NFRKB: variants seen among roughly 807,000 people sequenced by gnomAD.
NFRKB encodes nuclear factor related to kappa-B-binding protein.
NFRKB carries 62 observed loss-of-function variants against 135.7 expected under a neutral mutation model. That is an observed-to-expected ratio of 0.46 (90% CI 0.37 to 0.56). The LOEUF (loss-of-function observed/expected upper bound fraction) is 0.56. NFRKB is among the 20% of genes least tolerant of loss of function. NFRKB has a pLI of 0.00. For synonymous variants in NFRKB, 678 were observed against 635.6 expected (o/e 1.07, Z -1.00); for missense variants, 1,545 against 1,662.0 (o/e 0.93, Z 1.22).
rs1216856750 is a variant in NFRKB, at chr11:129,864,963, T to C, written c.3774+3A>G. On this transcript the variant is annotated splice_donor_region_variant and intron_variant, in intron 26 of 26. Transcript: ENST00000682444. ...ATGGCCAAGAATTTGCCCTGGGCCT[T>C]ACCTGTGTGGCCTGACCTTGCTGCT... 1.2e-6 allele frequency: 2 copies of C among 1,613,288 alleles called. No individual in the cohort carries two copies. The highest frequency in any genetic ancestry group is 3.3e-5 in the Admixed American group (2 of 59,990).
intron 8 of NFRKB, among the ~76,000 whole-genome samples, chr11:129,883,453 G>T (rs1350056246): frequency 6.6e-6 from 1 of 152,112 alleles, no homozygotes; most frequent in Non-Finnish European, 1.5e-5. Context: ...AAGCTCTTCT[G>T]CATTCCTTGT....
chr11:129,892,314 T>G (rs1949595290), intron 3 of NFRKB, among the ~76,000 whole-genome samples: 9 of 151,728 alleles, frequency 5.9e-5, no homozygotes, highest in Admixed American at 5.3e-4. Flanking sequence ...GGTTTTCCAT[T>G]CCCAAGTTCC....
At chr11:129,873,626 T>C in intron 22 of NFRKB, 119 bp downstream of exon 22, 1 of 1,350,864 alleles carries the variant, frequency 7.4e-7, no homozygotes, top group East Asian at 2.3e-5. Context: ...ATGAATGTCA[T>C]CACCAGTAGC....
At position 129,893,415 on chromosome 11, in the gene NFRKB, C is replaced by T. The variant is rs762513780; in HGVS notation, c.-21-545G>A. On this transcript the variant is annotated intron_variant, in intron 2 of 26. Transcript: ENST00000682444. The stretch of plus-strand genomic sequence containing the variant: ...AAAAAAAAAAAAAAAAAAAAATCAG[C>T]CAGGCGTGGTGGCGCACGCCTGTAG... 2.2e-3 allele frequency: 622 copies of T among 279,180 alleles called. 7 individuals are homozygous for T. The highest frequency in any genetic ancestry group is 2.3e-3 in the Non-Finnish European group (342 of 148,694). The allele number at this position is 279,180 out of a possible 1,614,324, so 17.3% of individuals were successfully genotyped here. A position where few individuals can be genotyped will look rare whatever the true frequency, so the allele number is the denominator to read the frequency against.
rs1196266151 is a variant in NFRKB, at chr11:129,883,155, G to C, written c.868C>G (p.Arg290Gly). The C allele has an allele frequency of 6.2e-7, 1 of 1,614,028 alleles. No individual in the cohort carries two copies. The highest frequency in any genetic ancestry group is 2.2e-5 in the East Asian group (1 of 44,878). The change falls in exon 9 of 27, where the codon CGA becomes GGA. Residue 290 changes from arginine to glycine, a missense_variant. By Grantham distance (125) the Arg-to-Gly change is moderately radical. Around this residue, in one of 3 missense-constraint regions of NFRKB, gnomAD observed 678 missense variants for 646.7 expected, o/e 1.05. Transcript: ENST00000682444. ...GAGCCCTTCCTGCCAGCATTTACTCGAGTCATGATGTCATTGAGAGTCAGG... is the reference window on the plus strand; with the variant it reads ...GAGCCCTTCCTGCCAGCATTTACTCCAGTCATGATGTCATTGAGAGTCAGG... Reference protein sequence around the residue: ...GDLTLNDIMTRVNAGRKGSLA... With the variant: ...GDLTLNDIMTGVNAGRKGSLA...
intron 3 of NFRKB, among the ~76,000 whole-genome samples, chr11:129,889,620 C>T (rs1949443170): frequency 6.7e-6 from 1 of 149,578 alleles, no homozygotes; most frequent in Admixed American, 6.7e-5. Flanking sequence ...AGGTGGGGAA[C>T]AATTAAACAT....
chr11:129,878,282 C>A, intron 15 of NFRKB, 27 bp downstream of exon 15: 1 of 1,611,084 alleles, frequency 6.2e-7, no homozygotes. Context: ...CCCAGGACAC[C>A]ACCCACCACT....
intron 18 of NFRKB, 124 bp downstream of exon 18, chr11:129,875,233 A>G (rs1293086738): frequency 3.4e-6 from 3 of 881,556 alleles, no homozygotes; most frequent in African/African-American, 3.4e-5. Flanking sequence ...ATCACTATGC[A>G]TTTTTCAAGG....
intron 6 of NFRKB, 27 bp from the exon 7 acceptor site, chr11:129,884,873 T>C (rs1168666661): frequency 6.2e-7 from 1 of 1,613,900 alleles, no homozygotes; most frequent in African/African-American, 1.3e-5. Flanking sequence ...TTCTTGTAAA[T>C]CCAACGTGGC....
Position 129,869,841 on chromosome 11 carries a change from G to A in NFRKB, c.3184C>T (p.Pro1062Ser). ...EASSSAFRLM[P>S]ALGVSVADQK... is the part of the protein sequence containing the mutation. ...TCAGCCACACTCACGCCAAGAGCTG[G>A]CATCAAGCGAAAAGCCGAACTTGAG... The change falls in exon 24 of 27, where the codon CCA becomes TCA. Residue 1062 changes from proline (P) to serine (S), a missense_variant. Pro to Ser is a moderately conservative substitution (Grantham distance 74). This residue lies in a region of NFRKB where 753 missense variants were observed against 804.3 expected (regional missense o/e 0.94). Transcript: ENST00000682444. 6.2e-7 allele frequency: 1 copy of A among 1,614,248 alleles called. No homozygotes were observed. The highest frequency in any genetic ancestry group is 8.5e-7 in the Non-Finnish European group (1 of 1,180,046).
chr11:129,888,237 C>CAG lies in NFRKB; in HGVS notation c.337+356_337+357insCT. ...GTGTGTACCTAAACACACACACACACGAACCTTGATACGTGCAATAAAGCA... is the reference window on the plus strand; with the variant it reads ...GTGTGTACCTAAACACACACACACACAGGAACCTTGATACGTGCAATAAAGCA... On this transcript the variant is annotated intron_variant, in intron 4 of 26. Transcript: ENST00000682444. 2 of 572,690 alleles carry CAG rather than the reference C, an allele frequency of 3.5e-6. 1 individual carries two copies. The highest frequency in any genetic ancestry group is 6.2e-6 in the Non-Finnish European group (2 of 324,456). The allele number at this position is 572,690 out of a possible 1,614,324, so 35.5% of individuals were successfully genotyped here. A position where few individuals can be genotyped will look rare whatever the true frequency, so the allele number is the denominator to read the frequency against.
chr11:129,883,951 G>A (rs1400212556), intron 8 of NFRKB, 119 bp downstream of exon 8: 4 of 1,072,764 alleles, frequency 3.7e-6, no homozygotes, highest in Non-Finnish European at 5.8e-6. Flanking sequence ...CTGCTCCTGT[G>A]CCCACAGTGG....
intron 4 of NFRKB, among the ~76,000 whole-genome samples, chr11:129,887,252 C>T (rs1175217077): frequency 6.6e-6 from 1 of 152,214 alleles, no homozygotes; most frequent in Non-Finnish European, 1.5e-5. Flanking sequence ...CCCATGGAAG[C>T]AGAAACTACT....
At chr11:129,878,437 G>T (rs1948875265) in intron 14 of NFRKB, 27 bp downstream of exon 14, 3 of 1,612,276 alleles carry the variant, frequency 1.9e-6, no homozygotes, top group South Asian at 2.2e-5. Context: ...CAGTGAGAAG[G>T]ATCTGGTATT....
intron 2 of NFRKB, chr11:129,893,932 T>C (rs979533206): frequency 6.6e-6 from 1 of 152,258 alleles, no homozygotes; most frequent in Non-Finnish European, 1.5e-5. Context: ...ATGACTTTAT[T>C]AGTCCATATA....
chr11:129,886,162 CATAA>C (rs1220325655), intron 5 of NFRKB, among the ~76,000 whole-genome samples, 151 bp downstream of exon 5: 1 of 152,210 alleles, frequency 6.6e-6, no homozygotes, highest in Admixed American at 6.5e-5. Flanking sequence ...TGAAGTTTAT[CATAA>C]GAAAGGATGG....
chr11:129,885,016 C>G, intron 6 of NFRKB, 170 bp from the exon 7 acceptor site: 1 of 909,252 alleles, frequency 1.1e-6, no homozygotes, highest in Non-Finnish European at 1.6e-6. Context: ...CTTAGGTCAT[C>G]TAACGGCTCT....
chr11:129,883,029 G>T, intron 9 of NFRKB, 93 bp downstream of exon 9: 1 of 1,116,022 alleles, frequency 9.0e-7, no homozygotes, highest in Non-Finnish European at 1.3e-6. Flanking sequence ...GCATGAGAGA[G>T]GCCATGGTTT....
intron 4 of NFRKB, among the ~76,000 whole-genome samples, chr11:129,887,694 C>G (rs1949343262): frequency 6.6e-6 from 1 of 152,172 alleles, no homozygotes; most frequent in South Asian, 2.1e-4. Flanking sequence ...TGAACAGATC[C>G]TGGATTTACA....
Sources: allele counts gnomAD v4.1 joint callset (sites outside exome capture counted in the v4.1 genomes callset), GRCh38; gene constraint gnomAD v4.1.1; regional missense constraint gnomAD v4.1.1; transcripts MANE v1.5; gene names NCBI Gene and HGNC (gene_info 2026-07-23, HGNC 2026-07-21).